ERC1: variants seen among roughly 807,000 people sequenced by gnomAD.
ERC1 encodes the protein RAB6 interacting protein 2.
Under a neutral mutation model 132.0 loss-of-function variants are expected in ERC1, and 56 were observed. That is an observed-to-expected ratio of 0.42 (90% CI 0.34 to 0.53). ERC1 has a LOEUF of 0.53. Ranked by LOEUF, ERC1 falls within the 20% of genes least tolerant of loss-of-function variation. The probability of loss-of-function intolerance (pLI) is 0.03; values close to 1 mark genes in which losing one functional copy is unlikely to be tolerated. For synonymous variants in ERC1, 478 were observed against 476.1 expected, an observed-to-expected ratio of 1.00 and a Z score of -0.05; for missense variants, 1,202 against 1,349.9, an observed-to-expected ratio of 0.89 and a Z score of 1.72.
chr12:1,149,669 G>A (rs1309180580), intron 8 of ERC1, among the ~76,000 whole-genome samples: 3 of 152,088 alleles, frequency 2.0e-5, no homozygotes, highest in African/African-American at 2.4e-5. Flanking sequence ...AAAGTGCTAC[G>A]ATTACAGGCA....
intron 11 of ERC1, among the ~76,000 whole-genome samples, chr12:1,189,233 C>T (rs1464450202): frequency 6.6e-6 from 1 of 152,156 alleles, no homozygotes; most frequent in Non-Finnish European, 1.5e-5. Context: ...TTCTCGATTT[C>T]TGAATTCATT....
At chr12:1,333,821 A>T (rs535448619) in intron 15 of ERC1, among the ~76,000 whole-genome samples, 1 of 152,186 alleles carries the variant, frequency 6.6e-6, no homozygotes, top group Non-Finnish European at 1.5e-5. Flanking sequence ...TCTTTGAGGA[A>T]TCATCATGCT....
intron 8 of ERC1, among the ~76,000 whole-genome samples, chr12:1,158,607 CT>C (rs10713768): frequency 0.41 from 55,393 of 134,282 alleles, 11,312 homozygotes; most frequent in African/African-American, 0.58. Flanking sequence ...TTTTTCTTTT[CT>C]TTTTTTTTTT....
intron 12 of ERC1, among the ~76,000 whole-genome samples, chr12:1,209,969 C>T (rs138313244): frequency 2.3e-4 from 35 of 152,314 alleles, no homozygotes; most frequent in African/African-American, 7.9e-4. Context: ...CTGAGGTTTT[C>T]TATTGGCATG....
At chr12:1,122,607 ATCTC>A (rs1171475517) in intron 7 of ERC1, among the ~76,000 whole-genome samples, 452 of 13,598 alleles carry the variant, frequency 0.033, 39 homozygotes, top group Middle Eastern at 0.14. Flanking sequence ...CTGTGTCTCT[ATCTC>A]TATCTCTATC....
intron 17 of ERC1, among the ~76,000 whole-genome samples, chr12:1,440,216 T>C (rs1171442150): frequency 6.9e-6 from 1 of 145,832 alleles, no homozygotes; most frequent in Non-Finnish European, 1.5e-5. Context: ...TTTTTTTTTT[T>C]TTCCTTGAGA....
intron 14 of ERC1, among the ~76,000 whole-genome samples, chr12:1,275,556 G>C (rs921185701): frequency 6.6e-6 from 1 of 152,178 alleles, no homozygotes; most frequent in Non-Finnish European, 1.5e-5. Context: ...GACATGTAGG[G>C]TGATGGCAAA....
chr12:1,351,551 G>A (rs542477124), intron 15 of ERC1, among the ~76,000 whole-genome samples: 3 of 152,236 alleles, frequency 2.0e-5, no homozygotes, highest in South Asian at 2.1e-4. Flanking sequence ...TCCTGATTAC[G>A]TATGATGTGG....
At chr12:1,110,469 AC>A in intron 5 of ERC1, 122 bp downstream of exon 5, 1 of 772,922 alleles carries the variant, frequency 1.3e-6, no homozygotes, top group South Asian at 2.4e-5. Context: ...AGGGAAGAAT[AC>A]TTTTAGCATA....
At chr12:1,055,469 C>T (rs1972776757) in intron 2 of ERC1, among the ~76,000 whole-genome samples, 1 of 152,154 alleles carries the variant, frequency 6.6e-6, no homozygotes, top group Admixed American at 6.5e-5. Context: ...CGTGAACCAC[C>T]ATACTTGGCC....
intron 1 of ERC1, among the ~76,000 whole-genome samples, chr12:1,016,406 T>G (rs1965508747): frequency 6.6e-6 from 1 of 152,216 alleles, no homozygotes; most frequent in African/African-American, 2.4e-5. Context: ...CTATTATTAT[T>G]TTTCTAATCT....
intron 2 of ERC1, among the ~76,000 whole-genome samples, chr12:1,035,269 G>A (rs980373168): frequency 1.3e-5 from 2 of 152,186 alleles, no homozygotes; most frequent in Non-Finnish European, 2.9e-5. Flanking sequence ...CCCCATTTCA[G>A]TTTGAGACTG....
chr12:1,450,594 A>G (rs1232284198), intron 18 of ERC1, among the ~76,000 whole-genome samples: 1 of 152,204 alleles, frequency 6.6e-6, no homozygotes, highest in Non-Finnish European at 1.5e-5. Context: ...GAATAGTGCT[A>G]CCGTGAACAC....
chr12:1,344,161 T>C (rs868038981), intron 15 of ERC1, among the ~76,000 whole-genome samples: 1 of 152,260 alleles, frequency 6.6e-6, no homozygotes, highest in Admixed American at 6.5e-5. Flanking sequence ...TTTTCATCTT[T>C]GTTTATAAAT....
chr12:1,493,548 A>AAAAAAATAT lies in ERC1; in HGVS notation c.*3319_*3320insAAAAATATA, dbSNP rs56939346. 7.3e-5 allele frequency: 1 copy of AAAAAAATAT among 13,622 alleles called. No homozygotes were observed. The highest frequency in any genetic ancestry group is 2.2e-4 in the African/African-American group (1 of 4,564). 0.8% of individuals were successfully genotyped at this position (13,622 alleles called of 1,614,324 possible). On this transcript the variant is annotated 3_prime_UTR_variant, in exon 19 of 19. Transcript: ENST00000360905. ...ACTCCATTTAAAAAAAAAAAAAAAA[A>AAAAAAATAT]ATATATATATATATATATATATATA...
chr12:1,330,683 A>G (rs976689670), intron 15 of ERC1, among the ~76,000 whole-genome samples: 2 of 152,044 alleles, frequency 1.3e-5, no homozygotes, highest in Non-Finnish European at 2.9e-5. Flanking sequence ...TTTACACAGG[A>G]CATGCAGCCA....
intron 12 of ERC1, among the ~76,000 whole-genome samples, chr12:1,233,499 A>G (rs1007244625): frequency 1.3e-4 from 19 of 150,436 alleles, no homozygotes; most frequent in African/African-American, 4.4e-4. Flanking sequence ...AAAAAGAGTA[A>G]GAAAACCAGA....
chr12:1,065,010 TC>T (rs1938816370), intron 2 of ERC1, among the ~76,000 whole-genome samples: 1 of 152,158 alleles, frequency 6.6e-6, no homozygotes, highest in Non-Finnish European at 1.5e-5. Context: ...TTTTTCTTTT[TC>T]TTTTTTTGAG....
intron 15 of ERC1, among the ~76,000 whole-genome samples, chr12:1,368,437 A>T (rs2086867488): frequency 1.3e-5 from 2 of 152,254 alleles, no homozygotes; most frequent in South Asian, 4.1e-4. Flanking sequence ...TTAAAATAAA[A>T]TTTTTTCAAT....
Sources: gnomAD v4.1 joint callset for allele counts (sites outside exome capture counted in the v4.1 genomes callset) on GRCh38, gnomAD v4.1.1 for gene constraint, MANE v1.5 for transcripts, NCBI Gene and HGNC (gene_info 2026-07-23, HGNC 2026-07-21) for gene names.